CALN1: variants seen among roughly 807,000 people sequenced by gnomAD.
CALN1 encodes calcium-binding protein 8.
A neutral mutation model predicts 30.6 loss-of-function variants in CALN1; 17 were observed. The ratio of observed to expected loss-of-function variants is 0.56; its 90% CI spans 0.38 to 0.83. CALN1 has a LOEUF of 0.83. CALN1 is among the 40% of genes least tolerant of loss of function. The pLI is 0.00. For synonymous variants in CALN1, 156 were observed against 131.4 expected (o/e 1.19, Z -1.28); for missense variants, 291 against 354.9 (o/e 0.82, Z 1.45).
At chr7:72,312,984 G>A (rs1199040809) in intron 2 of CALN1, among the ~76,000 whole-genome samples, 2 of 151,990 alleles carry the variant, frequency 1.3e-5, no homozygotes, top group Non-Finnish European at 2.9e-5. Flanking sequence ...ACAGGCATAT[G>A]CCACCATACC....
intron 2 of CALN1, among the ~76,000 whole-genome samples, chr7:72,292,515 T>C (rs1221139640): frequency 6.0e-5 from 9 of 149,282 alleles, no homozygotes; most frequent in Non-Finnish European, 8.9e-5. Flanking sequence ...TACCATCACA[T>C]TGGCAATAAG....
intron 3 of CALN1, among the ~76,000 whole-genome samples, chr7:72,192,963 G>T (rs1288850642): frequency 6.6e-6 from 1 of 151,820 alleles, no homozygotes; most frequent in East Asian, 1.9e-4. Flanking sequence ...TGAAACAGGC[G>T]GATCACTTGA....
At chr7:72,251,038 A>C (rs755819990) in intron 3 of CALN1, among the ~76,000 whole-genome samples, 2 of 152,038 alleles carry the variant, frequency 1.3e-5, no homozygotes, top group Non-Finnish European at 2.9e-5. Context: ...AGACATAGAG[A>C]CCAGACCAAT....
intron 3 of CALN1, among the ~76,000 whole-genome samples, chr7:72,257,357 T>C (rs781478037): frequency 1.3e-5 from 2 of 152,128 alleles, no homozygotes; most frequent in Non-Finnish European, 2.9e-5. Flanking sequence ...GACACTGAGA[T>C]GTGTGACTGT....
intron 5 of CALN1, among the ~76,000 whole-genome samples, chr7:71,821,889 G>C (rs1262949296): frequency 6.6e-6 from 1 of 150,778 alleles, no homozygotes; most frequent in African/African-American, 2.4e-5. Flanking sequence ...CTGGGCTCAA[G>C]CAATTCTCCC....
chr7:72,356,867 T>A (rs1356929925), intron 2 of CALN1, among the ~76,000 whole-genome samples: 1 of 151,974 alleles, frequency 6.6e-6, no homozygotes, highest in African/African-American at 2.4e-5. Context: ...CATAGCTGCT[T>A]CAGGGCAGTG....
intron 3 of CALN1, among the ~76,000 whole-genome samples, chr7:72,108,103 G>A (rs940852790): frequency 3.3e-5 from 5 of 152,178 alleles, no homozygotes; most frequent in African/African-American, 4.8e-5. Flanking sequence ...TGTGCTCCCC[G>A]TGAAGGCTCT....
intron 3 of CALN1, among the ~76,000 whole-genome samples, chr7:72,194,087 C>G (rs1296013526): frequency 6.6e-6 from 1 of 152,126 alleles, no homozygotes; most frequent in Non-Finnish European, 1.5e-5. Context: ...CCCACCTGTT[C>G]CCCAAAAAAT....
chr7:72,394,804 A>G (rs1805807236), intron 2 of CALN1, among the ~76,000 whole-genome samples: 1 of 151,622 alleles, frequency 6.6e-6, no homozygotes, highest in Non-Finnish European at 1.5e-5. Context: ...TGAGACTACA[A>G]GGGTACCAAC....
At chr7:72,337,230 C>T (rs1032548977) in intron 2 of CALN1, 8 of 985,120 alleles carry the variant, frequency 8.1e-6, no homozygotes, top group Non-Finnish European at 9.6e-6. Context: ...GCCGACAGCA[C>T]CACACTCCTC....
intron 2 of CALN1, among the ~76,000 whole-genome samples, chr7:72,381,647 T>C (rs1269562953): frequency 6.6e-6 from 1 of 151,994 alleles, no homozygotes; most frequent in African/African-American, 2.4e-5. Flanking sequence ...GGGAGCTGAA[T>C]AATGAGAACG....
At chr7:71,791,893 C>T (rs182923944) in intron 6 of CALN1, among the ~76,000 whole-genome samples, 130 of 152,234 alleles carry the variant, frequency 8.5e-4, no homozygotes, top group African/African-American at 2.8e-3. Context: ...CGCCTGCAGT[C>T]CCAGCTACTG....
chr7:72,054,938 C>G (rs1803156042), intron 4 of CALN1, among the ~76,000 whole-genome samples: 1 of 152,000 alleles, frequency 6.6e-6, no homozygotes, highest in Non-Finnish European at 1.5e-5. Flanking sequence ...ACACACAGAG[C>G]TAGAGACTGG....
At chr7:72,224,776 G>A (rs1263486163) in intron 3 of CALN1, among the ~76,000 whole-genome samples, 1 of 149,006 alleles carries the variant, frequency 6.7e-6, no homozygotes, top group African/African-American at 2.5e-5. Context: ...GTGAGACCCT[G>A]TCAAAAAATT....
chr7:72,142,920 T>C (rs1810061989), intron 3 of CALN1, among the ~76,000 whole-genome samples: 2 of 152,106 alleles, frequency 1.3e-5, no homozygotes, highest in Non-Finnish European at 2.9e-5. Flanking sequence ...GGGTCCTGAC[T>C]CTCAGAAGGA....
In CALN1 at chr7:72,427,904, C is replaced by G. The variant is rs769416268; in HGVS notation, c.-225-15629G>C. 1.5e-3 allele frequency among the ~76,000 whole-genome samples: 229 copies of G among 152,106 alleles called. 5 individuals are homozygous for G. Among genetic ancestry groups the G allele is most frequent in the Non-Finnish European group, 4.9e-4 (33 of 68,022 alleles). Reference sequence around the variant, plus strand: ...GACTGTTGCGTGGTCCAGCTGCCTTCCTTCTCTCTTGTCCTCACTGCCTAA... The same window carrying G: ...GACTGTTGCGTGGTCCAGCTGCCTTGCTTCTCTCTTGTCCTCACTGCCTAA... On this transcript the variant is annotated intron_variant, in intron 1 of 6. Transcript: ENST00000395276.
intron 4 of CALN1, among the ~76,000 whole-genome samples, chr7:72,098,764 G>GCACACACA (rs1181933030): frequency 7.0e-5 from 10 of 142,830 alleles, no homozygotes; most frequent in African/African-American, 2.4e-4. Flanking sequence ...CATTTGGCGC[G>GCACACACA]CACACACACA....
At chr7:72,250,373 A>C (rs1795472320) in intron 3 of CALN1, among the ~76,000 whole-genome samples, 1 of 152,204 alleles carries the variant, frequency 6.6e-6, no homozygotes, top group Non-Finnish European at 1.5e-5. Context: ...TCTGGAAATC[A>C]GAATGACAGC....
chr7:72,109,388 G>C (rs1807400987), intron 3 of CALN1, among the ~76,000 whole-genome samples: 1 of 152,078 alleles, frequency 6.6e-6, no homozygotes, highest in African/African-American at 2.4e-5. Context: ...CCTTCTTTCT[G>C]TGCATCCGTG....
Sources: allele counts gnomAD v4.1 joint callset (sites outside exome capture counted in the v4.1 genomes callset), GRCh38; gene constraint gnomAD v4.1.1; transcripts MANE v1.5; gene names NCBI Gene and HGNC (gene_info 2026-07-23, HGNC 2026-07-21).